RBM47: variants seen among roughly 807,000 people sequenced by gnomAD.
The protein encoded by RBM47 is RNA-binding protein 47.
Under a neutral mutation model 47.1 loss-of-function variants are expected in RBM47, and 21 were observed. The ratio of observed to expected loss-of-function variants is 0.45; its 90% confidence interval spans 0.32 to 0.64. The LOEUF is 0.64. Among genes scored for constraint, RBM47 ranks in the 30% least tolerant of loss-of-function variants. RBM47 has a pLI of 0.05. For missense variants in RBM47, 708 were observed against 870.9 expected, an observed-to-expected ratio of 0.81 and a Z score of 2.35; for synonymous variants, 375 against 361.7, an observed-to-expected ratio of 1.04 and a Z score of -0.42.
chr4:40,605,755 C>T lies in RBM47; in HGVS notation c.-240+23641G>A, dbSNP rs372261939. On this transcript the variant is annotated intron_variant, in intron 1 of 6. Transcript: ENST00000295971. ...CTGAGGAAGGAGAATCACTTGAACCCGAGAGGTGGAGGTTGCAGTGAGCCC... is the reference window on the plus strand; with the variant it reads ...CTGAGGAAGGAGAATCACTTGAACCTGAGAGGTGGAGGTTGCAGTGAGCCC... 4.3e-4 allele frequency among the ~76,000 whole-genome samples: 66 copies of T among 151,874 alleles called. No homozygotes were observed. The South Asian group carries it at 4.4e-3, about 10-fold the overall frequency.
chr4:40,571,864 CA>C (rs34276472), intron 1 of RBM47, among the ~76,000 whole-genome samples: 1 of 149,208 alleles, frequency 6.7e-6, no homozygotes, highest in Non-Finnish European at 1.5e-5. Flanking sequence ...ACTAAAAATA[CA>C]AAAAAAAATT....
intron 2 of RBM47, among the ~76,000 whole-genome samples, chr4:40,479,375 G>A (rs1245642908): frequency 6.6e-6 from 1 of 152,124 alleles, no homozygotes; most frequent in Non-Finnish European, 1.5e-5. Flanking sequence ...GGCCAGGACA[G>A]GAGGATTGCT....
At chr4:40,454,182 A>G (rs931642307) in intron 3 of RBM47, among the ~76,000 whole-genome samples, 29 of 152,196 alleles carry the variant, frequency 1.9e-4, no homozygotes, top group African/African-American at 7.0e-4. Flanking sequence ...TATGAAATCT[A>G]AAGTGTTTAC....
At position 40,607,506 on chromosome 4, in the gene RBM47, A is replaced by C. The variant is rs545353521; in HGVS notation, c.-240+21890T>G. ...AGGATCACTTGAGCCCAGGAGTTTGAGACCAGCCTGTACAACACAGTGGGA... is the reference window on the plus strand; with the variant it reads ...AGGATCACTTGAGCCCAGGAGTTTGCGACCAGCCTGTACAACACAGTGGGA... On this transcript the variant is annotated intron_variant, in intron 1 of 6. Transcript: ENST00000295971. 8.5e-5 allele frequency among the ~76,000 whole-genome samples: 13 copies of C among 152,310 alleles called. No homozygotes were observed. In the South Asian group the frequency reaches 2.5e-3, roughly 29 times the overall value.
rs1045657457 is a variant in RBM47 at position 40,569,473 on chromosome 4, G to A, written c.-239-24967C>T. Among the ~76,000 whole-genome samples, 11 of 147,592 alleles carry A rather than the reference G, an allele frequency of 7.5e-5. No homozygotes were observed. The East Asian group carries it at 8.0e-4, about 11-fold the overall frequency. On this transcript the variant is annotated intron_variant, in intron 1 of 6. Transcript: ENST00000295971. ...CGCCCAGGCTGGAGTGCAGTGGTGC[G>A]ATCTCAGTTCACTGCAATCTCCGCC...
At chr4:40,516,630 GTAT>G (rs1329696987) in intron 2 of RBM47, among the ~76,000 whole-genome samples, 1 of 152,114 alleles carries the variant, frequency 6.6e-6, no homozygotes, top group African/African-American at 2.4e-5. Context: ...GTTTACACAG[GTAT>G]TATTATTATT....
At chr4:40,498,824 G>C (rs748835783) in intron 2 of RBM47, among the ~76,000 whole-genome samples, 6 of 151,998 alleles carry the variant, frequency 3.9e-5, no homozygotes, top group Non-Finnish European at 8.8e-5. Flanking sequence ...CTGTGATTTG[G>C]TGCCTTTATA....
intron 1 of RBM47, among the ~76,000 whole-genome samples, chr4:40,552,962 C>CTT (rs1365119481): frequency 2.5e-5 from 3 of 121,756 alleles, no homozygotes; most frequent in South Asian, 2.3e-4. Context: ...TGACAACTTT[C>CTT]TTTTCTTTTT....
intron 1 of RBM47, among the ~76,000 whole-genome samples, chr4:40,566,976 C>CT (rs34897606): frequency 6.6e-6 from 1 of 151,544 alleles, no homozygotes; most frequent in Non-Finnish European, 1.5e-5. Flanking sequence ...TTTATCCTCT[C>CT]TTTTTTTTCT....
At chr4:40,442,555 T>C (rs1713821636) in intron 3 of RBM47, among the ~76,000 whole-genome samples, 1 of 152,216 alleles carries the variant, frequency 6.6e-6, no homozygotes, top group African/African-American at 2.4e-5. Flanking sequence ...GATACTTGTA[T>C]AATGATGTTC....
chr4:40,543,589 T>G (rs2154262398), intron 2 of RBM47: 1 of 151,684 alleles, frequency 6.6e-6, no homozygotes, highest in South Asian at 2.1e-4. Context: ...AGGTCAGGAG[T>G]TTGAGACCAG....
intron 3 of RBM47, among the ~76,000 whole-genome samples, chr4:40,455,139 C>G (rs1289874888): frequency 6.6e-6 from 1 of 152,194 alleles, no homozygotes; most frequent in African/African-American, 2.4e-5. Context: ...TGCAAACTGT[C>G]CCATAGCCTA....
chr4:40,522,033 G>A (rs955797560), intron 2 of RBM47, among the ~76,000 whole-genome samples: 4 of 152,026 alleles, frequency 2.6e-5, no homozygotes, highest in Non-Finnish European at 5.9e-5. Flanking sequence ...TTCAATATTT[G>A]GAAGATCTTC....
intron 1 of RBM47, among the ~76,000 whole-genome samples, chr4:40,570,571 T>C (rs1306823149): frequency 6.6e-5 from 10 of 151,746 alleles, no homozygotes. Context: ...TCTCCTGCTG[T>C]GCTGTTCAAC....
intron 1 of RBM47, among the ~76,000 whole-genome samples, chr4:40,614,455 T>C (rs1380926444): frequency 6.6e-6 from 1 of 152,128 alleles, no homozygotes; most frequent in East Asian, 1.9e-4. Flanking sequence ...TCTGAGGTGA[T>C]ATAAGCCAAG....
At chr4:40,504,368 GA>G (rs969029207) in intron 2 of RBM47, among the ~76,000 whole-genome samples, 1 of 147,568 alleles carries the variant, frequency 6.8e-6, no homozygotes, top group Non-Finnish European at 1.5e-5. Flanking sequence ...TCAGCTCACT[GA>G]AACCTCCACC....
chr4:40,507,003 C>T (rs1043329328), intron 2 of RBM47, among the ~76,000 whole-genome samples: 1 of 152,192 alleles, frequency 6.6e-6, no homozygotes, highest in Admixed American at 6.5e-5. Flanking sequence ...GTCGCCCAGG[C>T]TGGAGTGCAG....
intron 2 of RBM47, among the ~76,000 whole-genome samples, chr4:40,483,709 T>C (rs1474119895): frequency 6.6e-6 from 1 of 151,986 alleles, no homozygotes; most frequent in African/African-American, 2.4e-5. Flanking sequence ...AGAACAAAAA[T>C]ACAATACAAT....
chr4:40,477,997 A>C (rs1719855478), intron 2 of RBM47, among the ~76,000 whole-genome samples: 1 of 143,498 alleles, frequency 7.0e-6, no homozygotes, highest in Non-Finnish European at 1.5e-5. Flanking sequence ...CACATGAGCC[A>C]TGTGGCATGT....
Sources: allele counts gnomAD v4.1 joint callset (sites outside exome capture counted in the v4.1 genomes callset), GRCh38; gene constraint gnomAD v4.1.1; transcripts MANE v1.5; gene names NCBI Gene and HGNC (gene_info 2026-07-23, HGNC 2026-07-21).